MPP7: variants seen among roughly 807,000 people sequenced by gnomAD.
The protein encoded by MPP7 is MAGUK p55 scaffold protein 7.
Under a neutral mutation model 76.5 loss-of-function variants are expected in MPP7, and 60 were observed. The ratio of observed to expected loss-of-function variants is 0.78; its 90% CI spans 0.64 to 0.97. MPP7 has a LOEUF of 0.97. Ranked by LOEUF, MPP7 falls within the 50% of genes least tolerant of loss-of-function variation. The pLI is 0.00. For synonymous variants in MPP7, 237 were observed against 244.5 expected (o/e 0.97, Z 0.29); for missense variants, 641 against 694.0 (o/e 0.92, Z 0.86).
At chr10:28,059,585 A>G in intron 14 of MPP7, 65 bp downstream of exon 14, 1 of 972,686 alleles carries the variant, frequency 1.0e-6, no homozygotes, top group East Asian at 2.4e-5. Flanking sequence ...TCAGTTGTCT[A>G]AAACGGGACA....
intron 13 of MPP7, among the ~76,000 whole-genome samples, chr10:28,068,696 T>A (rs1218596275): frequency 6.6e-6 from 1 of 152,136 alleles, no homozygotes; most frequent in African/African-American, 2.4e-5. Flanking sequence ...TAAAAAGTAA[T>A]TAAGAAAGGT....
At chr10:28,236,219 T>C (rs918412853) in intron 2 of MPP7, among the ~76,000 whole-genome samples, 4 of 152,150 alleles carry the variant, frequency 2.6e-5, no homozygotes, top group African/African-American at 7.2e-5. Context: ...TTCCAAAATA[T>C]TTACAAAAGG....
intron 2 of MPP7, among the ~76,000 whole-genome samples, chr10:28,314,015 C>T (rs1286896021): frequency 1.3e-5 from 2 of 151,966 alleles, no homozygotes; most frequent in Admixed American, 1.3e-4. Flanking sequence ...ACGGAATAAC[C>T]TTGTAAACTA....
In MPP7 at chr10:28,069,698, T is replaced by C. The variant is rs549093631; in HGVS notation, c.1204+74A>G. On this transcript the variant is annotated intron_variant, in intron 13 of 16. Transcript: ENST00000683449. ...AATTTTAAAAACAAGTTAAAAATTT[T>C]TTAAAATAATTTTTTAAAAATTTAA... 14 of 1,254,364 alleles carry C rather than the reference T, an allele frequency of 1.1e-5. No homozygotes were observed. The African/African-American group carries it at 2.1e-4, about 19-fold the overall frequency. The allele number at this position is 1,254,364 out of a possible 1,614,324, so 77.7% of individuals were successfully genotyped here. A position where few individuals can be genotyped will look rare whatever the true frequency, so the allele number is the denominator to read the frequency against.
At chr10:28,086,984 G>A (rs1468780928) in intron 12 of MPP7, among the ~76,000 whole-genome samples, 2 of 152,134 alleles carry the variant, frequency 1.3e-5, no homozygotes, top group Admixed American at 6.5e-5. Context: ...TCTAGCTATA[G>A]TCTCGATGTT....
chr10:28,327,520 AT>A (rs748538484), intron 2 of MPP7, among the ~76,000 whole-genome samples: 1 of 152,086 alleles, frequency 6.6e-6, no homozygotes, highest in Non-Finnish European at 1.5e-5. Context: ...ACAACTTTTG[AT>A]TTTTTTTAAT....
intron 5 of MPP7, among the ~76,000 whole-genome samples, chr10:28,145,291 A>T (rs1340466982): frequency 1.3e-5 from 2 of 151,408 alleles, no homozygotes; most frequent in African/African-American, 2.4e-5. Flanking sequence ...TTAAGTATTT[A>T]AAATGAAATA....
In MPP7 at chr10:28,089,712, C is replaced by T. The variant is rs148352336; in HGVS notation, c.1082G>A (p.Arg361Gln). 1.6e-5 allele frequency: 26 copies of T among 1,613,664 alleles called. No homozygotes were observed. The highest frequency in any genetic ancestry group is 2.2e-5 in the East Asian group (1 of 44,866). The change falls in exon 12 of 17, where the codon CGG (arginine) becomes CAG (glutamine). Residue 361 changes from arginine (R) to glutamine (Q), a missense_variant. Transcript: ENST00000683449. ...VPTYEEVTPY[R>Q]RQTNEKYRLV... ...TCTGTATTTTTCATTAGTTTGTCGC[C>T]GATACGGTGTCACTTCTTCGTATGT... is the stretch of plus-strand genomic sequence containing the variant.
intron 1 of MPP7, among the ~76,000 whole-genome samples, chr10:28,281,465 G>T (rs752818357): frequency 6.6e-6 from 1 of 152,212 alleles, no homozygotes; most frequent in Non-Finnish European, 1.5e-5. Context: ...ATGAGTATCT[G>T]CTCAAAGAAG....
chr10:28,111,058 T>A (rs1390106359), intron 11 of MPP7, among the ~76,000 whole-genome samples: 2 of 152,200 alleles, frequency 1.3e-5, no homozygotes, highest in Admixed American at 1.3e-4. Flanking sequence ...TACATATATG[T>A]GCACTAAATA....
intron 11 of MPP7, among the ~76,000 whole-genome samples, chr10:28,112,373 T>C: frequency 6.6e-6 from 1 of 151,962 alleles, no homozygotes; most frequent in East Asian, 1.9e-4. Context: ...CTTAGCGCCA[T>C]GGAAATCAAA....
At chr10:28,249,215 T>TA (rs1176880931) in intron 1 of MPP7, among the ~76,000 whole-genome samples, 1 of 149,184 alleles carries the variant, frequency 6.7e-6, no homozygotes, top group East Asian at 2.2e-4. Context: ...AAAAGACTGC[T>TA]AATCTCATTG....
chr10:28,256,088 T>C (rs1408186567), intron 1 of MPP7, among the ~76,000 whole-genome samples: 1 of 152,068 alleles, frequency 6.6e-6, no homozygotes, highest in Non-Finnish European at 1.5e-5. Context: ...AGGTCAACAG[T>C]ATACTAGGAG....
At chr10:28,319,139 G>C (rs572597352) in intron 2 of MPP7, among the ~76,000 whole-genome samples, 1 of 152,248 alleles carries the variant, frequency 6.6e-6, no homozygotes, top group Admixed American at 6.5e-5. Context: ...AGGGTGAAGG[G>C]GAAGCAGGCA....
intron 1 of MPP7, among the ~76,000 whole-genome samples, chr10:28,239,139 TTTTTTA>T (rs1839178929): frequency 6.7e-6 from 1 of 148,998 alleles, no homozygotes; most frequent in Non-Finnish European, 1.5e-5. Flanking sequence ...TAATTTTTAT[TTTTTTA>T]TTTTTATTTT....
chr10:28,200,062 A>T (rs1401025373), intron 3 of MPP7, among the ~76,000 whole-genome samples: 1 of 152,162 alleles, frequency 6.6e-6, no homozygotes, highest in Non-Finnish European at 1.5e-5. Flanking sequence ...TTTTCATACA[A>T]ATTCCTTCAG....
At position 28,267,901 on chromosome 10, in the gene MPP7, T is replaced by C. The variant is rs532552491; in HGVS notation, c.-131-29166A>G. Among the ~76,000 whole-genome samples, 14 of 152,130 alleles carry C rather than the reference T, an allele frequency of 9.2e-5. No homozygotes were observed. In the South Asian group the frequency reaches 1.5e-3, roughly 16 times the overall value. The stretch of plus-strand genomic sequence containing the variant: ...AAACACAAAAATTAGCCGGGCGTGC[T>C]GGTGCATGCCTGTAATCCCAGCTAT... On this transcript the variant is annotated intron_variant, in intron 1 of 16. Transcript: ENST00000683449.
At chr10:28,323,214 G>A (rs1475116523) in intron 2 of MPP7, among the ~76,000 whole-genome samples, 1 of 152,136 alleles carries the variant, frequency 6.6e-6, no homozygotes, top group Non-Finnish European at 1.5e-5. Flanking sequence ...GAACCTTGGA[G>A]GCGGAGCTTG....
At chr10:28,272,419 G>A (rs1298570753) in intron 1 of MPP7, among the ~76,000 whole-genome samples, 1 of 152,088 alleles carries the variant, frequency 6.6e-6, no homozygotes, top group Admixed American at 6.5e-5. Flanking sequence ...TACATATATT[G>A]TGTGTGCATA....
Sources: allele counts gnomAD v4.1 joint callset (sites outside exome capture counted in the v4.1 genomes callset), GRCh38; gene constraint gnomAD v4.1.1; transcripts MANE v1.5; gene names NCBI Gene and HGNC (gene_info 2026-07-23, HGNC 2026-07-21).